The following CPED1 variants were observed in gnomAD, a reference collection of about 807,000 sequenced individuals.
The protein encoded by CPED1 is cadherin-like and PC-esterase domain-containing protein 1.
A neutral mutation model predicts 128.2 loss-of-function variants in CPED1; 114 were observed. That is an observed-to-expected ratio of 0.89 (90% CI 0.76 to 1.04). CPED1 has a LOEUF of 1.04. Ranked by LOEUF, CPED1 falls within the 50% of genes least tolerant of loss-of-function variation. CPED1 has a pLI of 0.00. For synonymous variants in CPED1, 462 were observed against 426.7 expected (o/e 1.08, Z -1.02); for missense variants, 1,211 against 1,207.1 (o/e 1.00, Z -0.05).
At chr7:121,097,864 C>A (rs775433549) in intron 6 of CPED1, 33 bp downstream of exon 6, 5 of 1,610,200 alleles carry the variant, frequency 3.1e-6, no homozygotes, top group Non-Finnish European at 4.2e-6. Flanking sequence ...TTATAACCAG[C>A]ATGCATTGTA....
chr7:121,271,756 A>T lies in CPED1; in HGVS notation c.2868+326A>T, dbSNP rs142372271. Among the ~76,000 whole-genome samples, 146 of 152,210 alleles carry T rather than the reference A, an allele frequency of 9.6e-4. 1 individual carries two copies. Among genetic ancestry groups the T allele is most frequent in the African/African-American group, 3.4e-3 (140 of 41,566 alleles). On this transcript the variant is annotated intron_variant, in intron 22 of 22. Transcript: ENST00000310396. ...CTTCCCATCAGAAATTGCATCCAAA[A>T]AAAAGGTGGCAAAGGTTTTCAGTAG...
At chr7:121,137,576 G>A (rs1795812346) in intron 14 of CPED1, among the ~76,000 whole-genome samples, 1 of 151,984 alleles carries the variant, frequency 6.6e-6, no homozygotes, top group South Asian at 2.1e-4. Context: ...TTAAGGTCAT[G>A]GTAGGCTGAG....
intron 2 of CPED1, among the ~76,000 whole-genome samples, chr7:120,992,618 A>G (rs1480345531): frequency 6.6e-6 from 1 of 152,208 alleles, no homozygotes; most frequent in Non-Finnish European, 1.5e-5. Context: ...AAAAAATCAT[A>G]GTTAAAGACT....
intron 3 of CPED1, among the ~76,000 whole-genome samples, chr7:121,024,577 A>G (rs1792523827): frequency 6.6e-6 from 1 of 152,186 alleles, no homozygotes; most frequent in African/African-American, 2.4e-5. Context: ...AACTTTGAAG[A>G]TACTTTCTCT....
intron 16 of CPED1, among the ~76,000 whole-genome samples, chr7:121,223,066 C>A (rs1205656678): frequency 6.6e-6 from 1 of 152,136 alleles, no homozygotes; most frequent in Non-Finnish European, 1.5e-5. Context: ...AGTTTTTGTC[C>A]ATTCAGTATG....
chr7:121,207,787 G>A (rs1563065688), intron 16 of CPED1, among the ~76,000 whole-genome samples: 1 of 151,992 alleles, frequency 6.6e-6, no homozygotes, highest in Non-Finnish European at 1.5e-5. Flanking sequence ...CTGCAGCAAA[G>A]AGAACACAAA....
chr7:121,143,104 A>G lies in CPED1; in HGVS notation c.2055+963A>G, dbSNP rs1372468174. 2.0e-5 allele frequency among the ~76,000 whole-genome samples: 3 copies of G among 152,150 alleles called. No homozygotes were observed. In the East Asian group the frequency reaches 5.8e-4, roughly 29 times the overall value. On this transcript the variant is annotated intron_variant, in intron 16 of 22. Coordinates refer to ENST00000310396, the MANE Select transcript of CPED1 (RefSeq NM_024913.5). ...ATAATTTTTATTTTTTGAGGAAAACATATCACTAATTTAGGAATTACCACT... is the reference window on the plus strand; with the variant it reads ...ATAATTTTTATTTTTTGAGGAAAACGTATCACTAATTTAGGAATTACCACT...
At chr7:121,164,493 T>C (rs1796479237) in intron 16 of CPED1, among the ~76,000 whole-genome samples, 1 of 152,310 alleles carries the variant, frequency 6.6e-6, no homozygotes, top group Non-Finnish European at 1.5e-5. Context: ...AGAGGGCTTA[T>C]TAAAACACAG....
intron 4 of CPED1, among the ~76,000 whole-genome samples, chr7:121,059,187 G>T (rs907385425): frequency 2.0e-5 from 3 of 152,184 alleles, no homozygotes; most frequent in Admixed American, 1.3e-4. Context: ...GCTCTAAATT[G>T]TTGTAGGATT....
intron 16 of CPED1, among the ~76,000 whole-genome samples, chr7:121,213,984 C>T (rs1322822697): frequency 1.3e-5 from 2 of 151,986 alleles, no homozygotes; most frequent in Admixed American, 6.6e-5. Context: ...TATCATGCCT[C>T]TTATTCTTCT....
At chr7:121,063,599 T>G (rs1793743243) in intron 4 of CPED1, among the ~76,000 whole-genome samples, 1 of 152,132 alleles carries the variant, frequency 6.6e-6, no homozygotes, top group African/African-American at 2.4e-5. Flanking sequence ...TCAAGCTAAT[T>G]TATACTGATC....
At chr7:121,013,475 G>A (rs1428802799) in intron 2 of CPED1, among the ~76,000 whole-genome samples, 1 of 152,092 alleles carries the variant, frequency 6.6e-6, no homozygotes, top group Non-Finnish European at 1.5e-5. Context: ...CATGTGCCAG[G>A]CAGAGCACAA....
chr7:121,266,557 G>C, intron 19 of CPED1, 110 bp downstream of exon 19: 2 of 1,197,480 alleles, frequency 1.7e-6, no homozygotes, highest in Non-Finnish European at 2.5e-6. Flanking sequence ...CAAAAGGTTA[G>C]ATACCAAGTA....
At chr7:121,151,186 C>G (rs1796151057) in intron 16 of CPED1, among the ~76,000 whole-genome samples, 1 of 151,994 alleles carries the variant, frequency 6.6e-6, no homozygotes, top group Non-Finnish European at 1.5e-5. Flanking sequence ...GGCAGTGTGC[C>G]CCTTAGAATA....
chr7:121,065,361 A>G (rs1793804061), intron 5 of CPED1, among the ~76,000 whole-genome samples: 1 of 152,040 alleles, frequency 6.6e-6, no homozygotes, highest in Non-Finnish European at 1.5e-5. Flanking sequence ...GTTTTTGTAA[A>G]CTCTAGCTGG....
chr7:121,192,513 T>A (rs932289560), intron 16 of CPED1, among the ~76,000 whole-genome samples: 1 of 152,130 alleles, frequency 6.6e-6, no homozygotes, highest in Non-Finnish European at 1.5e-5. Flanking sequence ...CTGTGCTCTC[T>A]AGAATCAAGC....
At chr7:121,254,135 T>C (rs1458376734) in intron 18 of CPED1, among the ~76,000 whole-genome samples, 1 of 152,030 alleles carries the variant, frequency 6.6e-6, no homozygotes, top group Admixed American at 6.6e-5. Flanking sequence ...ACAGAACATA[T>C]TCTAAGATTG....
chr7:121,022,767 A>C (rs1391348657), intron 3 of CPED1, among the ~76,000 whole-genome samples: 1 of 152,122 alleles, frequency 6.6e-6, no homozygotes, highest in Non-Finnish European at 1.5e-5. Context: ...GAAGGAGGAC[A>C]GTCAAAAACC....
In CPED1 at chr7:121,271,457, A is replaced by T. The variant is rs372846662; in HGVS notation, c.2868+27A>T. The T allele has an allele frequency of 2.0e-5, 32 of 1,599,014 alleles. 1 individual carries two copies. In the African/African-American group the frequency reaches 3.0e-4, roughly 15 times the overall value. On this transcript the variant is annotated intron_variant, in intron 22 of 22. Coordinates refer to ENST00000310396, the MANE Select transcript of CPED1 (RefSeq NM_024913.5). ...TATTTATGCTGGCTATCTGAGTTTT[A>T]TAGCTTTTGATCTTTTAAAATTGTT...
Sources: allele counts gnomAD v4.1 joint callset (sites outside exome capture counted in the v4.1 genomes callset), GRCh38; gene constraint gnomAD v4.1.1; transcripts MANE v1.5; gene names NCBI Gene and HGNC (gene_info 2026-07-23, HGNC 2026-07-21).